Variants in LUZP1 observed in about 807,000 individuals in gnomAD.
LUZP1 encodes leucine zipper protein 1.
Under a neutral mutation model 71.3 loss-of-function variants are expected in LUZP1, and 25 were observed. That is an observed-to-expected ratio of 0.35 (90% confidence interval 0.26 to 0.49). The LOEUF is 0.49. Among genes scored for constraint, LUZP1 ranks in the 20% least tolerant of loss-of-function variants. The pLI is 0.99. For synonymous variants in LUZP1, 481 were observed against 506.4 expected, an observed-to-expected ratio of 0.95 and a Z score of 0.67; for missense variants, 1,142 against 1,300.8, an observed-to-expected ratio of 0.88 and a Z score of 1.88.
At chr1:23,175,944 C>A (rs1414968274) in intron 1 of LUZP1, among the ~76,000 whole-genome samples, 1 of 151,966 alleles carries the variant, frequency 6.6e-6, no homozygotes, top group Non-Finnish European at 1.5e-5. Context: ...GGTCACACAG[C>A]TGGTAAGTGG....
chr1:23,133,304 T>C (rs1053172452), intron 2 of LUZP1, among the ~76,000 whole-genome samples: 10 of 152,228 alleles, frequency 6.6e-5, no homozygotes, highest in African/African-American at 9.6e-5. Context: ...TTAAGAACTA[T>C]AATCACAACC....
intron 4 of LUZP1, chr1:23,090,627 G>A (rs1312064967): frequency 1.8e-6 from 1 of 556,564 alleles, no homozygotes; most frequent in African/African-American, 1.9e-5. Context: ...CTGTCTGGGG[G>A]GCAAAAGAAA....
chr1:23,150,471 G>A (rs1249661346), intron 2 of LUZP1, among the ~76,000 whole-genome samples: 3 of 152,040 alleles, frequency 2.0e-5, no homozygotes, highest in Non-Finnish European at 2.9e-5. Flanking sequence ...GTTAGGAGAT[G>A]GAAGAAATAT....
chr1:23,124,602 A>T (rs777509258), intron 2 of LUZP1, among the ~76,000 whole-genome samples: 3 of 152,168 alleles, frequency 2.0e-5, no homozygotes, highest in Admixed American at 6.5e-5. Context: ...TACAATTATC[A>T]CTCATGCCTT....
intron 1 of LUZP1, among the ~76,000 whole-genome samples, chr1:23,173,093 T>C (rs1019489347): frequency 6.6e-6 from 1 of 151,270 alleles, no homozygotes; most frequent in East Asian, 2.0e-4. Flanking sequence ...AGTGCTAGGA[T>C]TACAGGTGTG....
At position 23,090,852 on chromosome 1, in the gene LUZP1, G is replaced by C. The variant is rs1267032769; in HGVS notation, c.3072+338C>G. 1.1e-5 allele frequency: 8 copies of C among 717,172 alleles called. No homozygotes were observed. The East Asian group carries it at 1.9e-4, about 17-fold the overall frequency. The allele number at this position is 717,172 out of a possible 1,614,324, so 44.4% of individuals were successfully genotyped here. A position where few individuals can be genotyped will look rare whatever the true frequency, so the allele number is the denominator to read the frequency against. On this transcript the variant is annotated intron_variant, in intron 4 of 4. Coordinates refer to ENST00000302291, the Ensembl canonical transcript of LUZP1. ...CCCATCAGCTGCAGCTGCTTCTTGT[G>C]CTTTTCATGCTGTTCTGAGGGCCTA...
chr1:23,122,427 G>A (rs1269089381), intron 2 of LUZP1, among the ~76,000 whole-genome samples: 2 of 152,176 alleles, frequency 1.3e-5, no homozygotes, highest in Non-Finnish European at 2.9e-5. Flanking sequence ...GACTTAGCAC[G>A]AGGGTTCTCT....
intron 2 of LUZP1, among the ~76,000 whole-genome samples, chr1:23,152,027 TG>T (rs2124732433): frequency 6.9e-6 from 1 of 144,430 alleles, no homozygotes; most frequent in Non-Finnish European, 1.5e-5. Context: ...AGAAAAGAAA[TG>T]GTAGATAATA....
At chr1:23,111,166 C>T (rs1478740475) in intron 2 of LUZP1, among the ~76,000 whole-genome samples, 1 of 145,822 alleles carries the variant, frequency 6.9e-6, no homozygotes, top group Non-Finnish European at 1.5e-5. Context: ...CGCCACTGCA[C>T]TCCAGCCTGG....
At chr1:23,173,767 G>A (rs538456861) in intron 1 of LUZP1, among the ~76,000 whole-genome samples, 2 of 152,192 alleles carry the variant, frequency 1.3e-5, no homozygotes, top group South Asian at 2.1e-4. Flanking sequence ...GTGGGCATCT[G>A]AGCCACCTGT....
At chr1:23,105,049 G>C (rs1212980171) in intron 3 of LUZP1, among the ~76,000 whole-genome samples, 1 of 152,212 alleles carries the variant, frequency 6.6e-6, no homozygotes, top group Non-Finnish European at 1.5e-5. Flanking sequence ...GATATGGGAA[G>C]CAAATTTGCA....
chr1:23,085,162 A>ACT (rs1643744440), exon 5 of LUZP1: 1 of 152,104 alleles, frequency 6.6e-6, no homozygotes, highest in Non-Finnish European at 1.5e-5. Context: ...CTGCACCTAG[A>ACT]CTCTAAGGGG....
chr1:23,142,700 T>TATACACACAC (rs1406009401), intron 2 of LUZP1, among the ~76,000 whole-genome samples: 1 of 104,338 alleles, frequency 9.6e-6, no homozygotes, highest in Non-Finnish European at 1.9e-5. Context: ...TATATATATA[T>TATACACACAC]ACACACACAC....
chr1:23,118,941 C>T (rs766447196), intron 2 of LUZP1, among the ~76,000 whole-genome samples: 18 of 152,118 alleles, frequency 1.2e-4, no homozygotes, highest in Non-Finnish European at 2.4e-4. Context: ...TCCCAATGCA[C>T]TTTGTCTGTA....
chr1:23,103,486 C>G (rs929687359), intron 3 of LUZP1, among the ~76,000 whole-genome samples: 10 of 152,030 alleles, frequency 6.6e-5, no homozygotes, highest in African/African-American at 2.4e-4. Flanking sequence ...GTCCAACCTC[C>G]CACTCAATGC....
chr1:23,148,029 T>G (rs192203240), intron 2 of LUZP1, among the ~76,000 whole-genome samples: 11 of 152,346 alleles, frequency 7.2e-5, no homozygotes, highest in African/African-American at 2.6e-4. Context: ...CATTTCTAAT[T>G]ACATGAGAGT....
intron 2 of LUZP1, among the ~76,000 whole-genome samples, chr1:23,143,680 C>T (rs1441145142): frequency 2.6e-5 from 4 of 152,292 alleles, no homozygotes; most frequent in Non-Finnish European, 4.4e-5. Context: ...ATTAATATCC[C>T]AATTTTAACT....
chr1:23,129,903 C>A (rs1476478882), intron 2 of LUZP1, among the ~76,000 whole-genome samples: 1 of 152,070 alleles, frequency 6.6e-6, no homozygotes, highest in Admixed American at 6.6e-5. Flanking sequence ...ACTTAGCAGA[C>A]AATATTATAA....
chr1:23,129,331 C>T (rs1463348443), intron 2 of LUZP1, among the ~76,000 whole-genome samples: 1 of 152,198 alleles, frequency 6.6e-6, no homozygotes, highest in Admixed American at 6.5e-5. Flanking sequence ...CCTGTAATCC[C>T]AGCACTTTGG....
Sources: gnomAD v4.1 joint callset for allele counts (sites outside exome capture counted in the v4.1 genomes callset) on GRCh38, gnomAD v4.1.1 for gene constraint, MANE v1.5 for transcripts, NCBI Gene and HGNC (gene_info 2026-07-23, HGNC 2026-07-21) for gene names.